The following DENND1A variants were observed in gnomAD, a reference collection of about 807,000 sequenced individuals.
DENND1A encodes DENN domain-containing protein 1A.
A neutral mutation model predicts 113.7 loss-of-function variants in DENND1A; 51 were observed. The ratio of observed to expected loss-of-function variants is 0.45; its 90% confidence interval spans 0.36 to 0.57. DENND1A has a LOEUF of 0.57. Among genes scored for constraint, DENND1A ranks in the 20% least tolerant of loss-of-function variants. The pLI is 0.00. For missense variants in DENND1A, 1,258 were observed against 1,395.9 expected (o/e 0.90, Z 1.57); for synonymous variants, 565 against 570.8 (o/e 0.99, Z 0.14).
At chr9:123,733,808 G>A (rs1262949158) in intron 5 of DENND1A, among the ~76,000 whole-genome samples, 1 of 151,536 alleles carries the variant, frequency 6.6e-6, no homozygotes, top group Non-Finnish European at 1.5e-5. Context: ...TGAGACTACA[G>A]GCACATGCCA....
chr9:123,778,157 C>T (rs1320956955), intron 3 of DENND1A, among the ~76,000 whole-genome samples: 1 of 152,034 alleles, frequency 6.6e-6, no homozygotes, highest in East Asian at 1.9e-4. Context: ...AAAAAAAGTC[C>T]CTTCAGAAGT....
At chr9:123,695,982 C>CA (rs59667113) in intron 5 of DENND1A, among the ~76,000 whole-genome samples, 13,444 of 106,472 alleles carry the variant, frequency 0.13, 760 homozygotes, top group East Asian at 0.18. Context: ...TCTGTTAATA[C>CA]AAAAAAAAAA....
intron 9 of DENND1A, 71 bp from the exon 10 acceptor site, chr9:123,630,547 T>C (rs2061433152): frequency 1.9e-6 from 2 of 1,033,720 alleles, no homozygotes; most frequent in South Asian, 2.1e-5. Flanking sequence ...ATTTCAGCAA[T>C]ACAATTCTAT....
intron 10 of DENND1A, among the ~76,000 whole-genome samples, chr9:123,616,120 G>A (rs1005493897): frequency 1.4e-4 from 22 of 152,186 alleles, no homozygotes; most frequent in Non-Finnish European, 2.8e-4. Flanking sequence ...AGTGGAGACA[G>A]GGTTTCACCA....
At chr9:123,842,784 AT>A (rs1842013759) in intron 2 of DENND1A, among the ~76,000 whole-genome samples, 1 of 152,220 alleles carries the variant, frequency 6.6e-6, no homozygotes, top group African/African-American at 2.4e-5. Flanking sequence ...GGCCAGTATT[AT>A]GCTGATACCA....
At chr9:123,407,079 C>G (rs1363051740) in intron 20 of DENND1A, among the ~76,000 whole-genome samples, 3 of 142,272 alleles carry the variant, frequency 2.1e-5, no homozygotes, top group Non-Finnish European at 4.5e-5. Context: ...CGCCAACAAA[C>G]AAAAGGAATG....
rs111762757 is a variant in DENND1A at position 123,613,349 on chromosome 9, A to C, written c.720-3868T>G. Among the ~76,000 whole-genome samples the C allele has an allele frequency of 7.2e-5, 11 of 152,344 alleles. 1 individual carries two copies. Among genetic ancestry groups the C allele is most frequent in the African/African-American group, 2.6e-4 (11 of 41,574 alleles). On this transcript the variant is annotated intron_variant, in intron 10 of 23. Coordinates refer to ENST00000394215, the MANE Select transcript of DENND1A (RefSeq NM_001352964.2). ...AAATTGGGTAAGCTATTTAAAAAAAAAAAACTTCTTCATATTCAGAATCCA... is the reference window on the plus strand; with the variant it reads ...AAATTGGGTAAGCTATTTAAAAAAACAAAACTTCTTCATATTCAGAATCCA...
intron 5 of DENND1A, among the ~76,000 whole-genome samples, chr9:123,735,084 T>C (rs1420521317): frequency 6.6e-6 from 1 of 152,178 alleles, no homozygotes; most frequent in Non-Finnish European, 1.5e-5. Context: ...TCTGAGTTTA[T>C]ATTCTAAGCT....
intron 9 of DENND1A, among the ~76,000 whole-genome samples, chr9:123,651,358 T>C (rs1385467422): frequency 6.6e-6 from 1 of 152,258 alleles, no homozygotes; most frequent in African/African-American, 2.4e-5. Flanking sequence ...ATCTACTTTC[T>C]TAGCAGAATT....
intron 13 of DENND1A, among the ~76,000 whole-genome samples, chr9:123,480,150 GAGGGTTCCC>G (rs1267990571): frequency 6.6e-6 from 1 of 152,168 alleles, no homozygotes; most frequent in Non-Finnish European, 1.5e-5. Flanking sequence ...CTGACTCTGT[GAGGGTTCCC>G]AGGCCTCCCC....
intron 5 of DENND1A, among the ~76,000 whole-genome samples, chr9:123,749,782 C>T (rs935878351): frequency 3.3e-5 from 5 of 152,124 alleles, no homozygotes; most frequent in Admixed American, 1.3e-4. Flanking sequence ...GGCAGAACTA[C>T]ACTCCTGGAG....
intron 9 of DENND1A, among the ~76,000 whole-genome samples, chr9:123,641,529 G>A (rs1740865817): frequency 6.6e-6 from 1 of 151,214 alleles, no homozygotes; most frequent in African/African-American, 2.4e-5. Context: ...TAAAATTACT[G>A]AGAGCCTGAA....
chr9:123,924,993 T>C (rs1856854350), intron 1 of DENND1A, among the ~76,000 whole-genome samples: 1 of 152,242 alleles, frequency 6.6e-6, no homozygotes, highest in Non-Finnish European at 1.5e-5. Flanking sequence ...CTCGCCACTC[T>C]ATCTAAAATA....
intron 3 of DENND1A, among the ~76,000 whole-genome samples, chr9:123,783,782 C>T (rs918457105): frequency 6.6e-6 from 1 of 152,170 alleles, no homozygotes; most frequent in Non-Finnish European, 1.5e-5. Context: ...GTATCACATA[C>T]CTCATGTTGT....
intron 3 of DENND1A, among the ~76,000 whole-genome samples, chr9:123,789,983 T>TTGTGTG (rs34530449): frequency 6.7e-6 from 1 of 149,892 alleles, no homozygotes; most frequent in East Asian, 2.0e-4. Context: ...GAGGGGGAAT[T>TTGTGTG]TGTGTGTGTG....
chr9:123,715,433 T>TCATA (rs1175171493), intron 5 of DENND1A, among the ~76,000 whole-genome samples: 1 of 152,150 alleles, frequency 6.6e-6, no homozygotes, highest in Non-Finnish European at 1.5e-5. Context: ...ATTCACTGAC[T>TCATA]CATATAAAAC....
chr9:123,760,250 T>G (rs1043578475), intron 4 of DENND1A, among the ~76,000 whole-genome samples: 1 of 152,216 alleles, frequency 6.6e-6, no homozygotes, highest in Non-Finnish European at 1.5e-5. Context: ...TTATTGAGTC[T>G]TTGGATATGA....
intron 4 of DENND1A, among the ~76,000 whole-genome samples, chr9:123,758,326 CTA>C (rs1377748487): frequency 6.6e-6 from 1 of 152,200 alleles, no homozygotes; most frequent in Admixed American, 6.5e-5. Flanking sequence ...GTAAATGTTA[CTA>C]TGTGCCAGCC....
intron 10 of DENND1A, among the ~76,000 whole-genome samples, chr9:123,620,978 A>T (rs2060931211): frequency 6.6e-6 from 1 of 152,182 alleles, no homozygotes; most frequent in South Asian, 2.1e-4. Flanking sequence ...GGAATATAGT[A>T]AGTATTCATA....
Sources: allele counts gnomAD v4.1 joint callset (sites outside exome capture counted in the v4.1 genomes callset), GRCh38; gene constraint gnomAD v4.1.1; transcripts MANE v1.5; gene names NCBI Gene and HGNC (gene_info 2026-07-23, HGNC 2026-07-21).